DLG2: variants seen among roughly 807,000 people sequenced by gnomAD.
DLG2 encodes the protein discs large MAGUK scaffold protein 2, also known as disks large homolog 2.
DLG2 carries 45 observed loss-of-function variants against 132.5 expected under a neutral mutation model. The ratio of observed to expected loss-of-function variants is 0.34; its 90% CI spans 0.27 to 0.44. DLG2 has a LOEUF of 0.44. Among genes scored for constraint, DLG2 ranks in the 20% least tolerant of loss-of-function variants. DLG2 has a pLI of 1.00. For missense variants in DLG2, 1,045 were observed against 1,196.9 expected (o/e 0.87, Z 1.87); for synonymous variants, 424 against 419.6 (o/e 1.01, Z -0.13).
chr11:84,906,314 A>G (rs2091504979), intron 6 of DLG2, among the ~76,000 whole-genome samples: 1 of 150,482 alleles, frequency 6.6e-6, no homozygotes, highest in Non-Finnish European at 1.5e-5. Flanking sequence ...GTATGGGCAC[A>G]TGTGTGTGAC....
intron 18 of DLG2, among the ~76,000 whole-genome samples, chr11:83,704,439 T>G (rs2153649605): frequency 6.6e-6 from 1 of 152,276 alleles, no homozygotes; most frequent in South Asian, 2.1e-4. Flanking sequence ...TTAAACATGC[T>G]TCTGTATTTT....
intron 6 of DLG2, among the ~76,000 whole-genome samples, chr11:84,757,285 A>T (rs939248925): frequency 6.6e-6 from 1 of 151,896 alleles, no homozygotes; most frequent in African/African-American, 2.4e-5. Context: ...AAGTAAGTGT[A>T]TATCTTTTGT....
chr11:84,862,986 T>C (rs2083988451), intron 6 of DLG2, among the ~76,000 whole-genome samples: 3 of 151,946 alleles, frequency 2.0e-5, no homozygotes, highest in Non-Finnish European at 4.4e-5. Flanking sequence ...TAAAAAGAGA[T>C]ATTAGTTCCG....
intron 26 of DLG2, among the ~76,000 whole-genome samples, chr11:83,464,196 A>G (rs947145341): frequency 6.6e-6 from 1 of 152,224 alleles, no homozygotes. Flanking sequence ...AACAGAAGTC[A>G]GATGGTGGCA....
At chr11:83,674,635 G>A (rs2077385249) in intron 18 of DLG2, among the ~76,000 whole-genome samples, 1 of 152,230 alleles carries the variant, frequency 6.6e-6, no homozygotes, top group African/African-American at 2.4e-5. Context: ...AGAGGAAGAA[G>A]CCAGTGCCCT....
chr11:84,946,616 TCTC>T (rs1007222795), intron 6 of DLG2, among the ~76,000 whole-genome samples: 2 of 151,800 alleles, frequency 1.3e-5, no homozygotes, highest in African/African-American at 4.8e-5. Context: ...TACTCTCCCT[TCTC>T]CTCTCCTCAA....
chr11:84,413,362 A>G (rs1052500788), intron 7 of DLG2, among the ~76,000 whole-genome samples: 3 of 152,208 alleles, frequency 2.0e-5, no homozygotes, highest in Non-Finnish European at 4.4e-5. Context: ...GAAATAATTA[A>G]TGATCTTCCC....
chr11:84,478,842 C>T (rs2099128947), intron 7 of DLG2, among the ~76,000 whole-genome samples: 1 of 151,966 alleles, frequency 6.6e-6, no homozygotes, highest in African/African-American at 2.4e-5. Flanking sequence ...AATCCCAAAA[C>T]TAGAATCTTT....
At chr11:85,391,178 A>G (rs193063793) in intron 3 of DLG2, among the ~76,000 whole-genome samples, 113 of 152,212 alleles carry the variant, frequency 7.4e-4, no homozygotes, top group African/African-American at 2.6e-3. Flanking sequence ...CATAAACTAG[A>G]AAACCTAGAG....
At chr11:84,365,317 T>C (rs1050097021) in intron 7 of DLG2, among the ~76,000 whole-genome samples, 12 of 152,156 alleles carry the variant, frequency 7.9e-5, no homozygotes, top group Non-Finnish European at 1.6e-4. Flanking sequence ...TTTGTAGTAT[T>C]CTCTGATGGT....
intron 4 of DLG2, among the ~76,000 whole-genome samples, chr11:85,234,151 A>T (rs2075452174): frequency 6.6e-6 from 1 of 151,952 alleles, no homozygotes; most frequent in Non-Finnish European, 1.5e-5. Context: ...TACTGATTAT[A>T]ATATAGTAAA....
At chr11:84,118,443 T>G (rs1386147930) in intron 9 of DLG2, among the ~76,000 whole-genome samples, 1 of 152,216 alleles carries the variant, frequency 6.6e-6, no homozygotes, top group Admixed American at 6.5e-5. Flanking sequence ...ATATTTCTCT[T>G]AGAGTCTTCT....
At chr11:85,584,366 G>A (rs1019994555) in intron 3 of DLG2, among the ~76,000 whole-genome samples, 7 of 151,042 alleles carry the variant, frequency 4.6e-5, no homozygotes, top group Admixed American at 6.6e-5. Flanking sequence ...GTGTGTGTGT[G>A]TGTGTGTGTG....
chr11:84,188,514 T>C (rs1007548570), intron 8 of DLG2, among the ~76,000 whole-genome samples: 1 of 152,186 alleles, frequency 6.6e-6, no homozygotes, highest in Non-Finnish European at 1.5e-5. Flanking sequence ...GCAAGCATTC[T>C]TGTTTTTTAA....
At chr11:84,445,078 C>T (rs927363430) in intron 7 of DLG2, among the ~76,000 whole-genome samples, 3 of 152,162 alleles carry the variant, frequency 2.0e-5, no homozygotes, top group African/African-American at 7.2e-5. Context: ...TCCCAAAGTA[C>T]TGGGATTACA....
chr11:84,547,442 T>C (rs953627120), intron 6 of DLG2, among the ~76,000 whole-genome samples: 1 of 152,152 alleles, frequency 6.6e-6, no homozygotes, highest in African/African-American at 2.4e-5. Flanking sequence ...TGCACTTTTG[T>C]ATGCAAAAAG....
chr11:85,371,604 A>G (rs2084980015), intron 3 of DLG2, among the ~76,000 whole-genome samples: 1 of 152,208 alleles, frequency 6.6e-6, no homozygotes, highest in African/African-American at 2.4e-5. Flanking sequence ...TGCAGAGCCA[A>G]TAAAAGCCCC....
intron 19 of DLG2, among the ~76,000 whole-genome samples, chr11:83,587,442 T>A (rs1022557857): frequency 4.6e-5 from 7 of 152,144 alleles, no homozygotes; most frequent in South Asian, 2.1e-4. Flanking sequence ...GCTATTTTTT[T>A]ATATTTTTAA....
intron 11 of DLG2, among the ~76,000 whole-genome samples, chr11:84,003,678 C>T (rs2094455977): frequency 2.0e-5 from 3 of 152,110 alleles, no homozygotes; most frequent in Admixed American, 2.0e-4. Context: ...GTTACCTCCA[C>T]CTGGTCTCTC....
Sources: gnomAD v4.1 joint callset for allele counts (sites outside exome capture counted in the v4.1 genomes callset) on GRCh38, gnomAD v4.1.1 for gene constraint, MANE v1.5 for transcripts, NCBI Gene and HGNC (gene_info 2026-07-23, HGNC 2026-07-21) for gene names.